The following HDAC9 variants were observed in gnomAD, a reference collection of about 807,000 sequenced individuals.
The protein encoded by HDAC9 is histone deacetylase 9.
HDAC9 carries 41 observed loss-of-function variants against 139.4 expected under a neutral mutation model. That is an observed-to-expected ratio of 0.29 (90% CI 0.23 to 0.38). The LOEUF (loss-of-function observed/expected upper bound fraction) is 0.38, where lower values mean the gene tolerates loss of function less well. HDAC9 is among the 10% of genes least tolerant of loss of function. The pLI is 1.00. For missense variants in HDAC9, 1,147 were observed against 1,297.0 expected (o/e 0.88, Z 1.78); for synonymous variants, 517 against 476.2 (o/e 1.09, Z -1.12).
intron 15 of HDAC9, among the ~76,000 whole-genome samples, chr7:18,765,385 G>T (rs185180374): frequency 6.6e-6 from 1 of 152,172 alleles, no homozygotes; most frequent in East Asian, 1.9e-4. Flanking sequence ...ACTTTGGGAG[G>T]CCGAGACAGG....
At chr7:18,099,621 A>C (rs1326778080) in intron 1 of HDAC9, among the ~76,000 whole-genome samples, 2 of 152,332 alleles carry the variant, frequency 1.3e-5, no homozygotes, top group East Asian at 3.9e-4. Flanking sequence ...TTATATTTTC[A>C]AAAGTATAAT....
At chr7:18,161,840 G>C (rs1787648772) in intron 1 of HDAC9, among the ~76,000 whole-genome samples, 1 of 152,036 alleles carries the variant, frequency 6.6e-6, no homozygotes. Context: ...GATAATGATA[G>C]TTTAAAATGC....
At chr7:18,122,852 C>T (rs190887597) in intron 1 of HDAC9, among the ~76,000 whole-genome samples, 1 of 152,300 alleles carries the variant, frequency 6.6e-6, no homozygotes, top group East Asian at 1.9e-4. Flanking sequence ...CTCCTGGCCT[C>T]AAGTGATCTT....
intron 1 of HDAC9, among the ~76,000 whole-genome samples, chr7:18,151,001 T>G (rs1786738065): frequency 6.6e-6 from 1 of 152,184 alleles, no homozygotes; most frequent in Non-Finnish European, 1.5e-5. Context: ...GCTACAGATG[T>G]TGGATTGAGC....
rs953013506 is a variant in HDAC9 at position 19,001,151 on chromosome 7, A to G, written c.*5089A>G. 9.2e-5 allele frequency: 14 copies of G among 152,284 alleles called. No individual in the cohort carries two copies. Among genetic ancestry groups the G allele is most frequent in the African/African-American group, 3.1e-4 (13 of 41,564 alleles). The allele number at this position is 152,284 out of a possible 1,614,324, so 9.4% of individuals were successfully genotyped here. On this transcript the variant is annotated 3_prime_UTR_variant, in exon 26 of 26. Coordinates refer to ENST00000686413, the MANE Select transcript of HDAC9 (RefSeq NM_178425.4). ...GGCTACTACCTAATCATGTTGTACT[A>G]GTTATTGTGGAAAGAAAATTGTACA...
intron 21 of HDAC9, among the ~76,000 whole-genome samples, chr7:18,847,358 TC>T (rs1562985364): frequency 6.6e-6 from 1 of 152,228 alleles, no homozygotes; most frequent in Non-Finnish European, 1.5e-5. Context: ...CTTTTTCCTT[TC>T]TTTTTTTTAG....
chr7:18,280,760 C>T (rs1348667716), intron 2 of HDAC9, among the ~76,000 whole-genome samples: 1 of 67,664 alleles, frequency 1.5e-5, no homozygotes, highest in Non-Finnish European at 3.3e-5. Flanking sequence ...GAGACCCTGT[C>T]TCAAAAAAAA....
At chr7:18,925,694 C>T (rs1440247054) in intron 22 of HDAC9, among the ~76,000 whole-genome samples, 1 of 151,476 alleles carries the variant, frequency 6.6e-6, no homozygotes. Context: ...GCCAGAAAGA[C>T]TTGAGCCTTT....
rs148323247 is a variant in HDAC9, at chr7:18,531,129, C to T, written c.22+34805C>T. Reference sequence around the variant, plus strand: ...AACTCACCAATTTTTCTCTTTTCTCCCCTGCTTCAAACTATACTTACTTTA... The same window carrying T: ...AACTCACCAATTTTTCTCTTTTCTCTCCTGCTTCAAACTATACTTACTTTA... On this transcript the variant is annotated intron_variant, in intron 2 of 25. Transcript: ENST00000686413. Among the ~76,000 whole-genome samples the T allele has an allele frequency of 2.4e-4, 37 of 152,010 alleles. 1 individual carries two copies. Among genetic ancestry groups the T allele is most frequent in the African/African-American group, 8.0e-4 (33 of 41,490 alleles).
At chr7:18,819,328 T>G (rs937850542) in intron 17 of HDAC9, among the ~76,000 whole-genome samples, 3 of 152,144 alleles carry the variant, frequency 2.0e-5, no homozygotes, top group Admixed American at 6.5e-5. Context: ...AAAAAATAAA[T>G]GTTTAAATTG....
chr7:18,833,398 A>G (rs187065889), intron 19 of HDAC9, among the ~76,000 whole-genome samples: 177 of 152,346 alleles, frequency 1.2e-3, no homozygotes, highest in African/African-American at 4.1e-3. Context: ...CTGCTGTTCA[A>G]ATTGTGGATG....
chr7:18,127,246 A>G (rs1336257093), intron 1 of HDAC9: 4 of 169,920 alleles, frequency 2.4e-5, no homozygotes, highest in Admixed American at 1.3e-4. Context: ...TAGCATAAGT[A>G]TGTCCCAAAT....
At chr7:18,415,558 T>C in intron 1 of HDAC9, among the ~76,000 whole-genome samples, 1 of 152,228 alleles carries the variant, frequency 6.6e-6, no homozygotes, top group South Asian at 2.1e-4. Context: ...TTGGTCTGCT[T>C]TTTTCTCATG....
chr7:18,575,658 G>C (rs1825746745), intron 2 of HDAC9, among the ~76,000 whole-genome samples: 1 of 152,208 alleles, frequency 6.6e-6, no homozygotes. Flanking sequence ...AGTGTTGCCA[G>C]AAATGTGTTA....
Position 19,000,269 on chromosome 7 carries a change from A to G in HDAC9, c.*4207A>G, listed in dbSNP as rs1786687034. The stretch of plus-strand genomic sequence containing the variant: ...TGCTGCCTTTGGAATAAAGTATTAT[A>G]ATGTATCTTGTCACCTTCATCAACA... On this transcript the variant is annotated 3_prime_UTR_variant, in exon 26 of 26. Coordinates refer to ENST00000686413, the MANE Select transcript of HDAC9 (RefSeq NM_178425.4). The G allele has an allele frequency of 1.3e-5, 2 of 152,140 alleles. No homozygotes were observed. The highest frequency in any genetic ancestry group is 4.1e-4 in the South Asian group (2 of 4,826). The allele number at this position is 152,140 out of a possible 1,614,324, so 9.4% of individuals were successfully genotyped here.
intron 2 of HDAC9, among the ~76,000 whole-genome samples, chr7:18,216,101 CGTGTCTGT>C (rs1562757868): frequency 7.9e-6 from 1 of 127,370 alleles, no homozygotes; most frequent in African/African-American, 3.5e-5. Flanking sequence ...TGTGTGCCTG[CGTGTCTGT>C]GTGTGTGTGT....
rs564106311 is a variant in HDAC9, at chr7:18,213,548, T to G, written c.25+51199T>G. On this transcript the variant is annotated intron_variant, in intron 2 of 12. Coordinates refer to the HDAC9 transcript ENST00000417496. ...AGAAATTTTCTCTGTTAGTCTTATG[T>G]AGCCATGACTGATTTTCATCAGCTG... Among the ~76,000 whole-genome samples, 3 of 152,284 alleles carry G rather than the reference T, an allele frequency of 2.0e-5. No homozygotes were observed. The South Asian group carries it at 6.2e-4, about 32-fold the overall frequency.
intron 2 of HDAC9, among the ~76,000 whole-genome samples, chr7:18,166,409 T>G (rs988419077): frequency 1.3e-5 from 2 of 152,254 alleles, no homozygotes; most frequent in African/African-American, 4.8e-5. Context: ...TCTCGTATTC[T>G]ATTCATTTTC....
intron 10 of HDAC9, 105 bp downstream of exon 10, chr7:18,648,103 C>T: frequency 1.1e-6 from 1 of 918,704 alleles, no homozygotes. Context: ...ATCCACAGTG[C>T]TATACAAAAG....
Sources: gnomAD v4.1 joint callset for allele counts (sites outside exome capture counted in the v4.1 genomes callset) on GRCh38, gnomAD v4.1.1 for gene constraint, MANE v1.5 for transcripts, NCBI Gene and HGNC (gene_info 2026-07-23, HGNC 2026-07-21) for gene names.